LEMD1: variants seen among roughly 807,000 people sequenced by gnomAD.
LEMD1 encodes LEM domain containing 1.
Under a neutral mutation model 17.4 loss-of-function variants are expected in LEMD1, and 18 were observed. That is an observed-to-expected ratio of 1.04 (90% CI 0.72 to 1.54). The LOEUF (loss-of-function observed/expected upper bound fraction) is 1.54. LEMD1 is among the 40% of genes most tolerant of loss of function. LEMD1 has a pLI of 0.00. For synonymous variants in LEMD1, 88 were observed against 77.8 expected (o/e 1.13, Z -0.69); for missense variants, 195 against 210.4 (o/e 0.93, Z 0.45).
intron 1 of LEMD1, among the ~76,000 whole-genome samples, chr1:205,431,659 A>T (rs1043769166): frequency 1.8e-4 from 27 of 152,318 alleles, no homozygotes; most frequent in African/African-American, 6.3e-4. Context: ...CTGTCTGGTC[A>T]CCAATACACA....
intron 1 of LEMD1, chr1:205,435,557 C>T (rs1428546445): frequency 1.3e-5 from 2 of 152,164 alleles, no homozygotes; most frequent in East Asian, 1.9e-4. Flanking sequence ...AAGGGAAGTA[C>T]TGGTTTCAAT....
intron 1 of LEMD1, among the ~76,000 whole-genome samples, chr1:205,428,469 A>G (rs1257148863): frequency 6.6e-6 from 1 of 152,202 alleles, no homozygotes; most frequent in Non-Finnish European, 1.5e-5. Context: ...TGCTATGAAT[A>G]CAAGGTTAAA....
At chr1:205,395,724 G>A (rs1030290623) in intron 4 of LEMD1, among the ~76,000 whole-genome samples, 3 of 151,908 alleles carry the variant, frequency 2.0e-5, no homozygotes, top group Admixed American at 1.3e-4. Context: ...TGGAAGATAC[G>A]TGCTACACAT....
intron 4 of LEMD1, among the ~76,000 whole-genome samples, chr1:205,406,587 C>T (rs12090167): frequency 0.31 from 46,664 of 151,990 alleles, 7,496 homozygotes; most frequent in African/African-American, 0.38. Flanking sequence ...GGGAGTGGCC[C>T]GATTTTCCAG....
intron 1 of LEMD1, among the ~76,000 whole-genome samples, chr1:205,433,751 G>A (rs1007925824): frequency 1.3e-5 from 2 of 152,216 alleles, no homozygotes; most frequent in Admixed American, 6.5e-5. Context: ...CTTAGTGAGC[G>A]CTTTGTGCTA....
intron 4 of LEMD1, among the ~76,000 whole-genome samples, chr1:205,402,479 T>A (rs1664896929): frequency 6.6e-6 from 1 of 152,156 alleles, no homozygotes. Flanking sequence ...TGAATGGGAG[T>A]TCATTCATGA....
At chr1:205,411,133 AAAGG>A (rs1203305710) in intron 4 of LEMD1, among the ~76,000 whole-genome samples, 4 of 144,580 alleles carry the variant, frequency 2.8e-5, no homozygotes, top group East Asian at 4.4e-4. Context: ...GGAGGGAAAG[AAAGG>A]AAGGAAGGAA....
At chr1:205,430,752 T>TGCGCAC (rs1666114763) in intron 1 of LEMD1, among the ~76,000 whole-genome samples, 1 of 152,346 alleles carries the variant, frequency 6.6e-6, no homozygotes, top group African/African-American at 2.4e-5. Flanking sequence ...CGAGGCGCAC[T>TGCGCAC]GCGCACGCGC....
intron 4 of LEMD1, among the ~76,000 whole-genome samples, chr1:205,414,862 TG>T (rs996360349): frequency 5.3e-5 from 8 of 152,164 alleles, no homozygotes; most frequent in Non-Finnish European, 8.8e-5. Flanking sequence ...CACTCCAGCC[TG>T]GGTAACAGAA....
chr1:205,382,106 A>T, intron 5 of LEMD1: 1 of 489,812 alleles, frequency 2.0e-6, no homozygotes, highest in Non-Finnish European at 3.7e-6. Flanking sequence ...GGCTCAAGAC[A>T]TCCTCCCACG....
At chr1:205,385,061 T>C (rs959499578) in intron 4 of LEMD1, among the ~76,000 whole-genome samples, 1 of 152,076 alleles carries the variant, frequency 6.6e-6, no homozygotes, top group African/African-American at 2.4e-5. Context: ...AACTACGTGC[T>C]TGGACTACTA....
intron 4 of LEMD1, 112 bp from the exon 5 acceptor site, chr1:205,384,476 A>G (rs1663890921): frequency 1.7e-6 from 1 of 584,478 alleles, no homozygotes; most frequent in Non-Finnish European, 2.8e-6. Context: ...TTCTTGGCAC[A>G]TTAGGTAGTT....
upstream of LEMD1, among the ~76,000 whole-genome samples, chr1:205,424,151 T>A (rs1666027267): frequency 1.3e-5 from 2 of 152,170 alleles, no homozygotes; most frequent in Non-Finnish European, 2.9e-5. Context: ...CAATTGCCAA[T>A]AACCATTTGC....
rs781477988 is a variant in LEMD1 at position 205,413,587 on chromosome 1, C to CT, written c.270+2644dup. On this transcript the variant is annotated intron_variant, in intron 4 of 5. Coordinates refer to ENST00000367153, the MANE Select transcript of LEMD1 (RefSeq NM_001199050.2). Reference sequence around the variant, plus strand: ...GACATGTGCGTGTCACCATGCCCAACTTTTTTTTTTTTTTTTTTTTTTTTT... The same window carrying CT: ...GACATGTGCGTGTCACCATGCCCAACTTTTTTTTTTTTTTTTTTTTTTTTTT... Among the ~76,000 whole-genome samples, 674 of 72,516 alleles carry CT rather than the reference C, an allele frequency of 9.3e-3. 13 individuals carry two copies. Among genetic ancestry groups the CT allele is most frequent in the Middle Eastern group, 0.03 (3 of 100 alleles). 47.6% of individuals were successfully genotyped at this position (72,516 alleles called of 152,430 possible).
At chr1:205,433,405 C>T (rs1221125955) in intron 1 of LEMD1, among the ~76,000 whole-genome samples, 3 of 151,954 alleles carry the variant, frequency 2.0e-5, no homozygotes, top group Admixed American at 1.3e-4. Flanking sequence ...TGTAGTGAGC[C>T]GAGGTTGCGC....
At chr1:205,416,654 C>T (rs1037182868) in intron 3 of LEMD1, among the ~76,000 whole-genome samples, 3 of 152,170 alleles carry the variant, frequency 2.0e-5, no homozygotes, top group African/African-American at 7.2e-5. Context: ...GGATTTTCTC[C>T]TTCTGGATCC....
chr1:205,395,285 T>C (rs531093896), intron 4 of LEMD1, among the ~76,000 whole-genome samples: 1 of 152,284 alleles, frequency 6.6e-6, no homozygotes. Flanking sequence ...TTGGAAACTT[T>C]CTGTAATTTT....
At chr1:205,401,984 C>G (rs1357869537) in intron 4 of LEMD1, among the ~76,000 whole-genome samples, 6 of 152,024 alleles carry the variant, frequency 3.9e-5, no homozygotes, top group Non-Finnish European at 7.4e-5. Flanking sequence ...GCTTGTTTTT[C>G]TCAGGTTTGT....
At chr1:205,427,385 A>G (rs191828309) in intron 1 of LEMD1, among the ~76,000 whole-genome samples, 3 of 151,880 alleles carry the variant, frequency 2.0e-5, no homozygotes, top group Non-Finnish European at 4.4e-5. Flanking sequence ...ATCTCATTTG[A>G]TATCATAGCT....
Sources: allele counts gnomAD v4.1 joint callset (sites outside exome capture counted in the v4.1 genomes callset), GRCh38; gene constraint gnomAD v4.1.1; transcripts MANE v1.5; gene names NCBI Gene and HGNC (gene_info 2026-07-23, HGNC 2026-07-21).